KIAA1549L: variants seen among roughly 807,000 people sequenced by gnomAD.
The protein encoded by KIAA1549L is KIAA1549 like.
KIAA1549L carries 88 observed loss-of-function variants against 160.7 expected under a neutral mutation model. That is an observed-to-expected ratio of 0.55 (90% CI 0.46 to 0.65). The LOEUF (loss-of-function observed/expected upper bound fraction) is 0.65. KIAA1549L is among the 30% of genes least tolerant of loss of function. The probability of loss-of-function intolerance (pLI) is 0.00; values close to 1 mark genes in which losing one functional copy is unlikely to be tolerated. For missense variants in KIAA1549L, 2,258 were observed against 2,437.5 expected, an observed-to-expected ratio of 0.93 and a Z score of 1.55; for synonymous variants, 950 against 976.7, an observed-to-expected ratio of 0.97 and a Z score of 0.51.
intron 13 of KIAA1549L, chr11:33,599,340 A>G (rs1482503520): frequency 6.4e-6 from 1 of 155,646 alleles, no homozygotes; most frequent in Non-Finnish European, 1.4e-5. Context: ...GATCTCTGAA[A>G]TAACTGCTCA....
chr11:33,609,000 G>A (rs972946792), intron 14 of KIAA1549L, among the ~76,000 whole-genome samples: 1 of 152,160 alleles, frequency 6.6e-6, no homozygotes, highest in Non-Finnish European at 1.5e-5. Flanking sequence ...CAGAAAGTTC[G>A]GAAACGTTGG....
chr11:33,604,078 T>A (rs1564920020), intron 13 of KIAA1549L, among the ~76,000 whole-genome samples: 2 of 152,066 alleles, frequency 1.3e-5, no homozygotes. Flanking sequence ...AGCTCAGAGG[T>A]GGAAGGTTGT....
At chr11:33,481,947 T>C (rs1004948752) in intron 1 of KIAA1549L, among the ~76,000 whole-genome samples, 5 of 152,242 alleles carry the variant, frequency 3.3e-5, no homozygotes, top group African/African-American at 1.2e-4. Context: ...TGCCTCCTCT[T>C]TCTCTCAGAG....
chr11:33,470,265 A>G (rs1188118477), intron 1 of KIAA1549L, among the ~76,000 whole-genome samples: 1 of 152,118 alleles, frequency 6.6e-6, no homozygotes, highest in African/African-American at 2.4e-5. Context: ...ATTCATTGAA[A>G]AGACCCTTCT....
At chr11:33,614,340 C>G (rs926572436) in intron 15 of KIAA1549L, among the ~76,000 whole-genome samples, 1 of 150,894 alleles carries the variant, frequency 6.6e-6, no homozygotes, top group Non-Finnish European at 1.5e-5. Flanking sequence ...GAACTGCCTG[C>G]TCTATATGGT....
rs1271912605 is a variant in KIAA1549L, at chr11:33,543,565, C to A, written c.2002C>A (p.Gln668Lys). ...TGGGTTGCCAGCTTCAGCTTCCAAA[C>A]AGGTGAGAGCATCGCCCTCCTCCAT... ...HSGLPASASK[Q>K]VRASPSSMDV... Residue 668 changes from glutamine to lysine, a missense_variant, in exon 2 of 21, where the codon CAG becomes AAG. Gln to Lys is a moderately conservative substitution (Grantham distance 53, BLOSUM62 1). Coordinates refer to ENST00000658780, the MANE Select transcript of KIAA1549L (RefSeq NM_012194.3). 1 of 1,613,942 alleles carries A rather than the reference C, an allele frequency of 6.2e-7. No homozygotes were observed. The highest frequency in any genetic ancestry group is 8.5e-7 in the Non-Finnish European group (1 of 1,179,910).
intron 1 of KIAA1549L, among the ~76,000 whole-genome samples, chr11:33,533,086 C>T (rs1385966243): frequency 1.3e-5 from 2 of 152,152 alleles, no homozygotes; most frequent in East Asian, 3.8e-4. Flanking sequence ...TGATATAGCC[C>T]TAGGCCTGAT....
chr11:33,449,689 G>A (rs1267717521), intron 1 of KIAA1549L, among the ~76,000 whole-genome samples: 1 of 152,108 alleles, frequency 6.6e-6, no homozygotes, highest in Non-Finnish European at 1.5e-5. Context: ...TGACCTTACG[G>A]TTGCATCTTC....
At position 33,618,548 on chromosome 11, in the gene KIAA1549L, C is replaced by T. The variant is rs750526002; in HGVS notation, c.5295C>T (p.Asn1765=). Residue 1765 remains asparagine (N), a synonymous_variant, in exon 16 of 21, where the codon AAC becomes AAT. Transcript: ENST00000658780. Reference sequence around the variant, plus strand: ...TTTTCTTCAGGCAACAGATGAAGAACTCTGTCTACAGAAGCCGGCAGTCTC... The same window carrying T: ...TTTTCTTCAGGCAACAGATGAAGAATTCTGTCTACAGAAGCCGGCAGTCTC... ...TESKNRQQMK[N]SVYRSRQSLN... The T allele has an allele frequency of 6.2e-6, 10 of 1,607,096 alleles. No homozygotes were observed. The highest frequency in any genetic ancestry group is 8.5e-6 in the Non-Finnish European group (10 of 1,174,998).
chr11:33,506,547 G>T (rs1019982594), intron 1 of KIAA1549L, among the ~76,000 whole-genome samples: 2 of 151,922 alleles, frequency 1.3e-5, no homozygotes, highest in East Asian at 3.9e-4. Context: ...GCAACATAGC[G>T]AGACCCTACA....
At chr11:33,531,456 G>C (rs1253760790) in intron 1 of KIAA1549L, among the ~76,000 whole-genome samples, 2 of 152,034 alleles carry the variant, frequency 1.3e-5, no homozygotes, top group African/African-American at 4.8e-5. Context: ...CCTGTGCGAG[G>C]AATGAGACTC....
chr11:33,427,707 G>A (rs1851147722), intron 1 of KIAA1549L, among the ~76,000 whole-genome samples: 1 of 152,068 alleles, frequency 6.6e-6, no homozygotes, highest in African/African-American at 2.4e-5. Context: ...ATGTTATGCA[G>A]CCACTACATC....
At chr11:33,518,208 CTA>C (rs1280105631) in intron 1 of KIAA1549L, among the ~76,000 whole-genome samples, 1 of 140,066 alleles carries the variant, frequency 7.1e-6, no homozygotes, top group Non-Finnish European at 1.5e-5. Flanking sequence ...CAAGATTAAT[CTA>C]TGTCTACAGT....
At chr11:33,458,715 A>G (rs1369482360) in intron 1 of KIAA1549L, among the ~76,000 whole-genome samples, 1 of 152,194 alleles carries the variant, frequency 6.6e-6, no homozygotes, top group Non-Finnish European at 1.5e-5. Context: ...GTGATCTAAG[A>G]AGGAAAGGGC....
chr11:33,452,755 C>T (rs970284557), intron 1 of KIAA1549L, among the ~76,000 whole-genome samples: 2 of 152,188 alleles, frequency 1.3e-5, no homozygotes, highest in African/African-American at 4.8e-5. Flanking sequence ...ATAGTTCAGC[C>T]TGTCAGGTGT....
At chr11:33,419,905 CATATATAT>C (rs57056542) in intron 1 of KIAA1549L, among the ~76,000 whole-genome samples, 11 of 53,578 alleles carry the variant, frequency 2.1e-4, no homozygotes, top group African/African-American at 5.2e-4. Flanking sequence ...TACATACATA[CATATATAT>C]ATATGAATAG....
Position 33,530,432 on chromosome 11 carries a change from AAAAAATATATATATATATAT to A in KIAA1549L, c.239-11368_239-11349del, listed in dbSNP as rs1211338297. Among the ~76,000 whole-genome samples the A allele has an allele frequency of 2.4e-3, 25 of 10,318 alleles. 1 individual carries two copies. Among genetic ancestry groups the A allele is most frequent in the African/African-American group, 9.6e-3 (24 of 2,510 alleles). 6.8% of individuals were successfully genotyped at this position (10,318 alleles called of 152,430 possible). On this transcript the variant is annotated intron_variant, in intron 1 of 20. Transcript: ENST00000658780. ...GAAGAAGGAAAAAAAAAAAAAAAAA[AAAAAATATATATATATATAT>A]ATATATATATATATATATATATATA...
At chr11:33,645,285 C>A (rs950343668) in intron 16 of KIAA1549L, among the ~76,000 whole-genome samples, 1 of 152,136 alleles carries the variant, frequency 6.6e-6, no homozygotes, top group Non-Finnish European at 1.5e-5. Flanking sequence ...GGGAGTGAAT[C>A]TAGAATGCTA....
At chr11:33,390,297 C>T (rs959365113) in intron 1 of KIAA1549L, among the ~76,000 whole-genome samples, 2 of 152,208 alleles carry the variant, frequency 1.3e-5, no homozygotes, top group Non-Finnish European at 2.9e-5. Flanking sequence ...GGCTGTGCAT[C>T]TCCTGGGCCC....
Sources: allele counts gnomAD v4.1 joint callset (sites outside exome capture counted in the v4.1 genomes callset), GRCh38; gene constraint gnomAD v4.1.1; transcripts MANE v1.5; gene names NCBI Gene and HGNC (gene_info 2026-07-23, HGNC 2026-07-21).